Variants in LILRB1 observed in about 807,000 individuals in gnomAD.
The protein encoded by LILRB1 is leukocyte immunoglobulin like receptor B1, also known as leukocyte immunoglobulin-like receptor subfamily B member 1.
In LILRB1, 59 loss-of-function variants were observed where a neutral mutation model predicts 74.6. That is an observed-to-expected ratio of 0.79 (90% confidence interval 0.64 to 0.98). The LOEUF (loss-of-function observed/expected upper bound fraction) is 0.98, where lower values mean the gene tolerates loss of function less well. Ranked by LOEUF, LILRB1 falls within the 50% of genes least tolerant of loss-of-function variation. LILRB1 has a pLI of 0.00. For missense variants in LILRB1, 804 were observed against 822.6 expected, an observed-to-expected ratio of 0.98 and a Z score of 0.28; for synonymous variants, 328 against 333.9, an observed-to-expected ratio of 0.98 and a Z score of 0.19.
At chr19:54,629,156 C>G (rs539075956), upstream of LILRB1, among the ~76,000 whole-genome samples, 4 of 152,222 alleles carry the variant, frequency 2.6e-5, no homozygotes, top group South Asian at 8.3e-4. Context: ...GGGGTCAAAA[C>G]TGTAGCATTT....
rs369798260 is a variant in LILRB1 at position 54,635,250 on chromosome 19, T to C, written c.1563-9T>C. On this transcript the variant is annotated splice_polypyrimidine_tract_variant and intron_variant, in intron 11 of 14. Coordinates refer to ENST00000324602, the MANE Select transcript of LILRB1 (RefSeq NM_001081637.3). ...TACACTGCCCCTAAAGCTCCCATTCTTCCCCCAGGTCCAGCCCAGCTGCCG... is the reference window on the plus strand; with the variant it reads ...TACACTGCCCCTAAAGCTCCCATTCCTCCCCCAGGTCCAGCCCAGCTGCCG... The C allele has an allele frequency of 0.016, 25,313 of 1,568,340 alleles. 956 individuals carry two copies. The highest frequency in any genetic ancestry group is 0.023 in the South Asian group (2,016 of 88,998).
At chr19:54,618,944 A>G (rs1465896062) in intron 1 of LILRB1, among the ~76,000 whole-genome samples, 1 of 152,188 alleles carries the variant, frequency 6.6e-6, no homozygotes, top group African/African-American at 2.4e-5. Flanking sequence ...AACTTGTCAC[A>G]TAATTTACAA....
In LILRB1 at chr19:54,637,180, A is replaced by G. The variant is rs1198859258; in HGVS notation, c.*302A>G. On this transcript the variant is annotated 3_prime_UTR_variant, in exon 15 of 15. Coordinates refer to ENST00000324602, the MANE Select transcript of LILRB1 (RefSeq NM_001081637.3). ...GAAACTGGAAAACTACAAGCCACGA[A>G]TGAATGAATTAGGAAAGAAAAAAAG... is the stretch of plus-strand genomic sequence containing the variant. The G allele has an allele frequency of 2.7e-6, 1 of 368,022 alleles. No individual in the cohort carries two copies. The highest frequency in any genetic ancestry group is 4.9e-6 in the Non-Finnish European group (1 of 204,876). The allele number at this position is 368,022 out of a possible 1,614,324, so 22.8% of individuals were successfully genotyped here. A position where few individuals can be genotyped will look rare whatever the true frequency, so the allele number is the denominator to read the frequency against.
chr19:54,635,154 C>T lies in LILRB1; in HGVS notation c.1537C>T (p.Pro513Ser), dbSNP rs754755189. ...QHPAGAVGPE[P>S]TDRGLQWRSS... ...TCCTGCAGGGGCTGTGGGGCCAGAG[C>T]CCACAGACAGAGGCCTGCAGTGGAG... Residue 513 changes from proline (P) to serine (S), a missense_variant, in exon 11 of 15, where the codon CCC becomes TCC. By Grantham distance (74) the Pro-to-Ser change is moderately conservative (BLOSUM62 -1). Coordinates refer to ENST00000324602, the MANE Select transcript of LILRB1 (RefSeq NM_001081637.3). The T allele has an allele frequency of 1.3e-6, 2 of 1,593,916 alleles. No homozygotes were observed. Among genetic ancestry groups the T allele is most frequent in the South Asian group, 1.1e-5 (1 of 90,066 alleles).
Position 54,618,623 on chromosome 19 carries a change from C to A in LILRB1, c.-166+1274C>A, listed in dbSNP as rs141191849. On this transcript the variant is annotated intron_variant, in intron 1 of 15. Coordinates refer to the LILRB1 transcript ENST00000396331. ...TTGGGAGTTCAAGAGCAGCCTGACA[C>A]ACACAAAACAAAATTATAAACCCAG... is the stretch of plus-strand genomic sequence containing the variant. 4.8e-3 allele frequency among the ~76,000 whole-genome samples: 731 copies of A among 152,270 alleles called. 6 individuals are homozygous for A. Among genetic ancestry groups the A allele is most frequent in the African/African-American group, 0.017 (706 of 41,544 alleles).
Position 54,632,534 on chromosome 19 carries a change from G to C in LILRB1, c.732G>C (p.Leu244=), listed in dbSNP as rs113454732. The change falls in exon 6 of 15, where the codon CTG becomes CTC. Residue 244 remains leucine, a synonymous_variant. Coordinates refer to ENST00000324602, the MANE Select transcript of LILRB1 (RefSeq NM_001081637.3). Reference sequence around the variant, plus strand: ...TGGCCCCTGAGGAGACCCTGACTCTGCAGTGTGGCTCTGATGCTGGCTACA... The same window carrying C: ...TGGCCCCTGAGGAGACCCTGACTCTCCAGTGTGGCTCTGATGCTGGCTACA... ...PIVAPEETLT[L]QCGSDAGYNR... The C allele has an allele frequency of 1.2e-5, 20 of 1,613,932 alleles. No homozygotes were observed. In the African/African-American group the frequency reaches 1.7e-4, roughly 14 times the overall value.
rs763723298 is a variant in LILRB1, at chr19:54,636,482, GTC to G, written c.1654-5_1654-4del. 1.9e-6 allele frequency: 3 copies of G among 1,610,792 alleles called. No individual in the cohort carries two copies. In the African/African-American group the frequency reaches 4.0e-5, roughly 22 times the overall value. On this transcript the variant is annotated splice_polypyrimidine_tract_variant and intron_variant, in intron 13 of 14. Coordinates refer to ENST00000324602, the MANE Select transcript of LILRB1 (RefSeq NM_001081637.3). Reference sequence around the variant, plus strand: ...GGATTCAAGGACACCCCCCACCACTGTCTCTCTCCAGCAGAGCCCACACGATG... The same window carrying G: ...GGATTCAAGGACACCCCCCACCACTGTCTCTCCAGCAGAGCCCACACGATG...
rs202014540 is a variant in LILRB1, at chr19:54,636,884, G to A, written c.*6G>A. 1.1e-5 allele frequency: 18 copies of A among 1,613,472 alleles called. No homozygotes were observed. The Admixed American group carries it at 2.3e-4, about 21-fold the overall frequency. On this transcript the variant is annotated 3_prime_UTR_variant, in exon 15 of 15. Transcript: ENST00000324602. ...CCACTCTGGCCATCCACTAGCCCAG[G>A]GGGGGACGCAGACCCCACACTCCAT...
At position 54,637,128 on chromosome 19, in the gene LILRB1, C is replaced by G. The variant is rs1436958206; in HGVS notation, c.*250C>G. 17 of 518,038 alleles carry G rather than the reference C, an allele frequency of 3.3e-5. No homozygotes were observed. The highest frequency in any genetic ancestry group is 5.1e-5 in the Non-Finnish European group (15 of 293,578). The allele number at this position is 518,038 out of a possible 1,614,324, so 32.1% of individuals were successfully genotyped here. On this transcript the variant is annotated 3_prime_UTR_variant, in exon 15 of 15. Coordinates refer to ENST00000324602, the MANE Select transcript of LILRB1 (RefSeq NM_001081637.3). ...TCAGAAAGTGCATTAAACTGAATCA[C>G]AATGTAAATATTACACATCAAGCGA...
intron 1 of LILRB1, 32 bp from the exon 2 acceptor site, chr19:54,630,994 G>C (rs1471008908): frequency 6.4e-7 from 1 of 1,564,864 alleles, no homozygotes; most frequent in Non-Finnish European, 8.6e-7. Context: ...CCTCCGATTG[G>C]CCACACTCTG....
At chr19:54,620,233 G>A (rs1388721089) in intron 1 of LILRB1, among the ~76,000 whole-genome samples, 1 of 152,056 alleles carries the variant, frequency 6.6e-6, no homozygotes, top group Non-Finnish European at 1.5e-5. Context: ...GCAAAAACAA[G>A]TAACTATTAA....
rs1190983109 is a variant in LILRB1, at chr19:54,636,248, G to T, written c.1654-246G>T. The T allele has an allele frequency of 4.2e-6, 3 of 721,414 alleles. No individual in the cohort carries two copies. In the African/African-American group the frequency reaches 5.4e-5, roughly 13 times the overall value. 44.7% of individuals were successfully genotyped at this position (721,414 alleles called of 1,614,324 possible). On this transcript the variant is annotated intron_variant, in intron 13 of 14. Transcript: ENST00000324602. Reference sequence around the variant, plus strand: ...AGGCAGAGGAAACAACCCTGCAAAGGCCCCCAGGCAGCAGCGAGCTCTTGC... The same window carrying T: ...AGGCAGAGGAAACAACCCTGCAAAGTCCCCCAGGCAGCAGCGAGCTCTTGC...
chr19:54,630,104 CGAGTGG>C (rs955195427), upstream of LILRB1, among the ~76,000 whole-genome samples: 2 of 152,256 alleles, frequency 1.3e-5, no homozygotes, highest in Admixed American at 6.5e-5. Context: ...ACCACTGTCA[CGAGTGG>C]GATTTGTGAC....
rs138245040 is a variant in LILRB1 at position 54,624,396 on chromosome 19, G to A, written c.-165-6121G>A. Among the ~76,000 whole-genome samples the A allele has an allele frequency of 9.1e-3, 1,385 of 152,168 alleles. 30 individuals are homozygous for A. Among genetic ancestry groups the A allele is most frequent in the African/African-American group, 0.032 (1,316 of 41,462 alleles). ...CCAGGCCACAGTGTGGCTGAGGGCCGTGGGAAACACCTGCCTTGCCACTCT... is the reference window on the plus strand; with the variant it reads ...CCAGGCCACAGTGTGGCTGAGGGCCATGGGAAACACCTGCCTTGCCACTCT... On this transcript the variant is annotated intron_variant, in intron 1 of 15. Transcript: ENST00000396331.
chr19:54,632,939 G>A, intron 6 of LILRB1, 77 bp from the exon 7 acceptor site: 2 of 1,566,672 alleles, frequency 1.3e-6, no homozygotes, highest in Non-Finnish European at 1.7e-6. Context: ...GACACTGAGG[G>A]TCCCAGAGGG....
intron 1 of LILRB1, among the ~76,000 whole-genome samples, chr19:54,620,428 G>A (rs780376911): frequency 6.6e-6 from 1 of 151,648 alleles, no homozygotes; most frequent in African/African-American, 2.4e-5. Flanking sequence ...GCGTGATTTC[G>A]GCTCACTGCA....
At chr19:54,632,808 C>T (rs763602488) in intron 6 of LILRB1, 48 bp downstream of exon 6, 2 of 1,606,584 alleles carry the variant, frequency 1.2e-6, no homozygotes, top group South Asian at 2.2e-5. Flanking sequence ...CCGCACAGGC[C>T]CTGCCGGGGG....
chr19:54,632,685 T>A lies in LILRB1; in HGVS notation c.883T>A (p.Tyr295Asn). ...GPVSRSYGGQ[Y>N]RCYGAHNLSS... ...TGTGAGCCGCTCCTACGGGGGCCAG[T>A]ACAGATGCTACGGTGCACACAACCT... The change falls in exon 6 of 15, where the codon TAC becomes AAC. Residue 295 changes from tyrosine to asparagine, a missense_variant. Physicochemically the swap from Tyr to Asn is moderately radical, Grantham distance 143. Coordinates refer to ENST00000324602, the MANE Select transcript of LILRB1 (RefSeq NM_001081637.3). The A allele has an allele frequency of 6.2e-7, 1 of 1,613,112 alleles. No individual in the cohort carries two copies. Among genetic ancestry groups the A allele is most frequent in the Non-Finnish European group, 8.5e-7 (1 of 1,179,958 alleles).
chr19:54,632,582 C>T lies in LILRB1; in HGVS notation c.780C>T (p.Asp260=), dbSNP rs371764929. ...AGYNRFVLYK[D]GERDFLQLAG... is the part of the protein sequence containing the mutation. The stretch of plus-strand genomic sequence containing the variant: ...ACAACAGATTTGTTCTGTATAAGGA[C>T]GGGGAACGTGACTTCCTTCAGCTCG... The change falls in exon 6 of 15, where the codon GAC becomes GAT. Residue 260 remains aspartate (D), a synonymous_variant. Coordinates refer to ENST00000324602, the MANE Select transcript of LILRB1 (RefSeq NM_001081637.3). The T allele has an allele frequency of 1.1e-4, 185 of 1,614,078 alleles. 1 individual carries two copies. In the Middle Eastern group the frequency reaches 1.3e-3, roughly 12 times the overall value.
Sources: allele counts gnomAD v4.1 joint callset (sites outside exome capture counted in the v4.1 genomes callset), GRCh38; gene constraint gnomAD v4.1.1; transcripts MANE v1.5; gene names NCBI Gene and HGNC (gene_info 2026-07-23, HGNC 2026-07-21).